Variants in PLEKHA7 observed in about 807,000 individuals in gnomAD.
PLEKHA7 encodes the protein pleckstrin homology domain-containing family A member 7.
In PLEKHA7, 104 loss-of-function variants were observed where a neutral mutation model predicts 170.0. That is an observed-to-expected ratio of 0.61 (90% CI 0.52 to 0.72). PLEKHA7 has a LOEUF of 0.72. Among genes scored for constraint, PLEKHA7 ranks in the 30% least tolerant of loss-of-function variants. The pLI, the probability that PLEKHA7 is intolerant of heterozygous loss-of-function variation, is 0.00. For missense variants in PLEKHA7, 1,615 were observed against 1,671.7 expected, an observed-to-expected ratio of 0.97 and a Z score of 0.59; for synonymous variants, 648 against 660.8, an observed-to-expected ratio of 0.98 and a Z score of 0.30.
intron 3 of PLEKHA7, among the ~76,000 whole-genome samples, chr11:16,891,207 G>A (rs1049928849): frequency 6.6e-6 from 1 of 152,060 alleles, no homozygotes; most frequent in African/African-American, 2.4e-5. Context: ...GAGCCACCCA[G>A]ACTCAAAAAA....
At chr11:16,863,322 T>C (rs1280543389) in intron 4 of PLEKHA7, among the ~76,000 whole-genome samples, 1 of 152,182 alleles carries the variant, frequency 6.6e-6, no homozygotes, top group Non-Finnish European at 1.5e-5. Context: ...CAACTTGTGT[T>C]TCTTTTCCAA....
At chr11:16,863,698 G>GAGGAGCTGTAC (rs1431092607) in intron 4 of PLEKHA7, among the ~76,000 whole-genome samples, 7 of 152,046 alleles carry the variant, frequency 4.6e-5, no homozygotes, top group Non-Finnish European at 8.8e-5. Context: ...GCCCAGCACT[G>GAGGAGCTGTAC]AGGAGAAAAC....
At chr11:16,992,653 G>A (rs1385995812) in intron 3 of PLEKHA7, among the ~76,000 whole-genome samples, 1 of 151,944 alleles carries the variant, frequency 6.6e-6, no homozygotes, top group Admixed American at 6.6e-5. Flanking sequence ...CTACATGGGA[G>A]GCAGAGGCAG....
intron 3 of PLEKHA7, among the ~76,000 whole-genome samples, chr11:16,892,801 T>C (rs1856753084): frequency 6.6e-6 from 1 of 152,088 alleles, no homozygotes; most frequent in Non-Finnish European, 1.5e-5. Context: ...TGACAATATC[T>C]ATGTTGAACT....
intron 3 of PLEKHA7, among the ~76,000 whole-genome samples, chr11:17,007,202 G>T (rs1015606303): frequency 6.6e-6 from 1 of 152,198 alleles, no homozygotes; most frequent in African/African-American, 2.4e-5. Flanking sequence ...CCTAGCATAT[G>T]AGGTAAATGC....
At chr11:16,781,037 A>C in intron 26 of PLEKHA7, 3 of 985,856 alleles carry the variant, frequency 3.0e-6, no homozygotes, top group Non-Finnish European at 3.6e-6. Flanking sequence ...AGGCGGGAGG[A>C]GGGCCAGCTG....
At chr11:16,947,200 T>C (rs1452126174) in intron 3 of PLEKHA7, among the ~76,000 whole-genome samples, 2 of 152,142 alleles carry the variant, frequency 1.3e-5, no homozygotes, top group African/African-American at 4.8e-5. Flanking sequence ...AGATAAGTAT[T>C]GGTGAGGATG....
intron 3 of PLEKHA7, among the ~76,000 whole-genome samples, chr11:16,920,451 CAA>C (rs1156230041): frequency 1.3e-5 from 2 of 151,498 alleles, no homozygotes; most frequent in Non-Finnish European, 3.0e-5. Context: ...ACAAACAAAA[CAA>C]AGAGAAAAGG....
chr11:16,853,315 C>T (rs1240308746), intron 6 of PLEKHA7, among the ~76,000 whole-genome samples: 1 of 152,250 alleles, frequency 6.6e-6, no homozygotes, highest in African/African-American at 2.4e-5. Flanking sequence ...ATTGTTCCTC[C>T]TCCACTTACT....
At chr11:16,833,518 C>T (rs752343620) in intron 9 of PLEKHA7, among the ~76,000 whole-genome samples, 49 of 152,176 alleles carry the variant, frequency 3.2e-4, no homozygotes, top group Non-Finnish European at 6.2e-4. Flanking sequence ...TAGCACACAC[C>T]ACGCTCACTC....
At position 17,013,946 on chromosome 11, in the gene PLEKHA7, C is replaced by A. The variant is rs200763602; in HGVS notation, c.221+43G>T. ...CCGGCGGGAACGGGGAGGGACCCCC[C>A]CCCCGCGGCACAGGTGCGAGCGCGG... On this transcript the variant is annotated intron_variant, in intron 3 of 26. Coordinates refer to ENST00000531066, the MANE Select transcript of PLEKHA7 (RefSeq NM_001329630.2). The A allele has an allele frequency of 3.9e-4, 579 of 1,501,910 alleles. 2 individuals are homozygous for A. The highest frequency in any genetic ancestry group is 4.7e-4 in the Non-Finnish European group (525 of 1,127,690). The allele number at this position is 1,501,910 out of a possible 1,614,324, so 93.0% of individuals were successfully genotyped here.
At chr11:16,786,175 G>A (rs753301806) in intron 24 of PLEKHA7, 54 bp downstream of exon 24, 3 of 1,525,754 alleles carry the variant, frequency 2.0e-6, no homozygotes, top group Non-Finnish European at 2.6e-6. Context: ...GGATCAGGCT[G>A]GGAACTTGAA....
intron 9 of PLEKHA7, among the ~76,000 whole-genome samples, chr11:16,831,710 C>G (rs185001811): frequency 3.9e-4 from 59 of 152,320 alleles, no homozygotes; most frequent in Non-Finnish European, 1.0e-4. Context: ...GCTGTGTGAC[C>G]TTGGGCAAGT....
intron 3 of PLEKHA7, among the ~76,000 whole-genome samples, chr11:16,923,130 T>C (rs1859222576): frequency 6.6e-6 from 1 of 152,138 alleles, no homozygotes; most frequent in African/African-American, 2.4e-5. Context: ...ACCCACCTAC[T>C]CTTTCCGGGA....
rs1401470427 is a variant in PLEKHA7 at position 16,794,960 on chromosome 11, C to G, written c.2468G>C (p.Ser823Thr). 1 of 1,614,032 alleles carries G rather than the reference C, an allele frequency of 6.2e-7. No homozygotes were observed. The highest frequency in any genetic ancestry group is 2.2e-5 in the East Asian group (1 of 44,870). Residue 823 changes from serine (S) to threonine (T), a missense_variant, in exon 18 of 27, where the codon AGT (serine) becomes ACT (threonine). Coordinates refer to ENST00000531066, the MANE Select transcript of PLEKHA7 (RefSeq NM_001329630.2). ...WRIEDVTAGLSANKENFRILV... is the reference protein window; with the variant it reads ...WRIEDVTAGLTANKENFRILV... Reference sequence around the variant, plus strand: ...AATTCTGAAGTTCTCTTTATTTGCACTCAGGCCTGCAGTGACATCTTCAAT... The same window carrying G: ...AATTCTGAAGTTCTCTTTATTTGCAGTCAGGCCTGCAGTGACATCTTCAAT...
Position 16,892,264 on chromosome 11 carries a change from T to A in PLEKHA7, c.222-21082A>T, listed in dbSNP as rs185896606. On this transcript the variant is annotated intron_variant, in intron 3 of 26. Coordinates refer to ENST00000531066, the MANE Select transcript of PLEKHA7 (RefSeq NM_001329630.2). ...GAAACATGTGGGTAGGATATGGAGA[T>A]CCTGAGCATGAAGAAATATGTATGG... 2.9e-3 allele frequency among the ~76,000 whole-genome samples: 444 copies of A among 152,242 alleles called. 3 individuals carry two copies. The highest frequency in any genetic ancestry group is 0.01 in the African/African-American group (424 of 41,546).
intron 3 of PLEKHA7, among the ~76,000 whole-genome samples, chr11:16,916,302 G>T (rs892903275): frequency 2.0e-5 from 3 of 152,076 alleles, no homozygotes; most frequent in African/African-American, 7.2e-5. Context: ...CTCCCATTTT[G>T]TAGGTTGCCT....
chr11:17,005,899 T>C (rs1038092316), intron 3 of PLEKHA7, among the ~76,000 whole-genome samples: 1 of 152,218 alleles, frequency 6.6e-6, no homozygotes, highest in African/African-American at 2.4e-5. Context: ...CATGGGATTC[T>C]GCCAAAACTT....
chr11:17,006,238 T>C (rs1362288150), intron 3 of PLEKHA7, among the ~76,000 whole-genome samples: 3 of 149,986 alleles, frequency 2.0e-5, no homozygotes, highest in African/African-American at 7.4e-5. Flanking sequence ...TGGGCGCCTG[T>C]AACACCAGCT....
Sources: allele counts gnomAD v4.1 joint callset (sites outside exome capture counted in the v4.1 genomes callset), GRCh38; gene constraint gnomAD v4.1.1; transcripts MANE v1.5; gene names NCBI Gene and HGNC (gene_info 2026-07-23, HGNC 2026-07-21).